Variants in PASD1 observed in about 807,000 individuals in gnomAD.
PASD1 encodes the protein circadian clock protein PASD1.
A neutral mutation model predicts 58.8 loss-of-function variants in PASD1; 13 were observed. The ratio of observed to expected loss-of-function variants is 0.22; its 90% confidence interval spans 0.14 to 0.35. The LOEUF (loss-of-function observed/expected upper bound fraction) is 0.35. Among genes scored for constraint, PASD1 ranks in the 10% least tolerant of loss-of-function variants. The pLI is 1.00. For missense variants in PASD1, 734 were observed against 568.3 expected (o/e 1.29, Z -2.96); for synonymous variants, 236 against 216.7 (o/e 1.09, Z -0.78).
intron 1 of PASD1, among the ~76,000 whole-genome samples, chrX:151,577,650 G>A (rs924536729): frequency 4.5e-5 from 5 of 111,335 alleles, no homozygotes; most frequent in Non-Finnish European, 7.5e-5. Flanking sequence ...TCAGCCTCCC[G>A]AGTAGCTGGG....
chrX:151,584,423 C>T (rs1312708224), intron 1 of PASD1, among the ~76,000 whole-genome samples: 1 of 111,791 alleles, frequency 8.9e-6, no homozygotes, highest in Non-Finnish European at 1.9e-5. Flanking sequence ...TTTTATTGTC[C>T]AGCTACTGTA....
At chrX:151,659,890 C>T (rs1348393005) in intron 10 of PASD1, 54 bp downstream of exon 10, 28 of 1,120,703 alleles carry the variant, frequency 2.5e-5, no homozygotes, top group South Asian at 2.1e-5. Flanking sequence ...ACAGTGACCC[C>T]CAGGGTAGTT....
At chrX:151,645,136 G>T (rs765071272) in intron 8 of PASD1, among the ~76,000 whole-genome samples, 2 of 111,688 alleles carry the variant, frequency 1.8e-5, no homozygotes, top group Non-Finnish European at 3.8e-5. Context: ...CTGTAGACAA[G>T]CCTTGGTTAG....
At chrX:151,593,604 A>G (rs929850489) in intron 1 of PASD1, among the ~76,000 whole-genome samples, 1 of 111,486 alleles carries the variant, frequency 9.0e-6, no homozygotes, top group Non-Finnish European at 1.9e-5. Context: ...ATACTATTCC[A>G]TGGCGTATAT....
At chrX:151,572,972 T>TA (rs2012946805) in intron 1 of PASD1, among the ~76,000 whole-genome samples, 1 of 92,331 alleles carries the variant, frequency 1.1e-5, no homozygotes, top group Non-Finnish European at 2.1e-5. Flanking sequence ...AGCGGGAGCT[T>TA]ACACATCATG....
rs187661535 is a variant in PASD1 at position 151,652,550 on chromosome X, A to C, written c.717+3848A>C. ...TCCGTCTCAAAAAAAAAAAAAACAA[A>C]AAACAAACAAACAAAAAAAACTCAA... is the stretch of plus-strand genomic sequence containing the variant. On this transcript the variant is annotated intron_variant, in intron 9 of 15. Transcript: ENST00000370357. Among the ~76,000 whole-genome samples, 1,024 of 109,374 alleles carry C rather than the reference A, an allele frequency of 9.4e-3. 22 individuals carry two copies. Among genetic ancestry groups the C allele is most frequent in the Admixed American group, 0.046 (469 of 10,114 alleles). 95.0% of individuals were successfully genotyped at this position (109,374 alleles called of 115,157 possible).
chrX:151,611,785 C>T (rs772239114), intron 4 of PASD1, 32 bp downstream of exon 4: 2 of 1,074,116 alleles, frequency 1.9e-6, no homozygotes, highest in South Asian at 4.0e-5. Flanking sequence ...GAAAGTGGAT[C>T]ATTCTGGTTT....
At chrX:151,644,427 G>A (rs1418250423) in intron 8 of PASD1, among the ~76,000 whole-genome samples, 1 of 111,887 alleles carries the variant, frequency 8.9e-6, no homozygotes, top group Non-Finnish European at 1.9e-5. Context: ...ACAAAACCCA[G>A]GCTCTTGATC....
rs2013351252 is a variant in PASD1, at chrX:151,598,458, A to G, written c.-27-3069A>G. Among the ~76,000 whole-genome samples, 3 of 111,316 alleles carry G rather than the reference A, an allele frequency of 2.7e-5. 1 individual carries two copies. Among genetic ancestry groups the G allele is most frequent in the South Asian group, 7.6e-4 (2 of 2,629 alleles). The stretch of plus-strand genomic sequence containing the variant: ...GATTGGGTCACATTTTCCATTCTGG[A>G]AAATTTAAAATTATCTCCTTACTGC... On this transcript the variant is annotated intron_variant, in intron 1 of 15. Coordinates refer to ENST00000370357, the MANE Select transcript of PASD1 (RefSeq NM_173493.3).
Position 151,620,660 on chromosome X carries a change from T to C in PASD1, c.208-270T>C, listed in dbSNP as rs112527925. The stretch of plus-strand genomic sequence containing the variant: ...GGTGAAGGTGTAGATAAATGAAAGG[T>C]TGGAAGTAACTAGAGTCAAAATTTT... On this transcript the variant is annotated intron_variant, in intron 4 of 15. Coordinates refer to ENST00000370357, the MANE Select transcript of PASD1 (RefSeq NM_173493.3). 4.7e-3 allele frequency among the ~76,000 whole-genome samples: 525 copies of C among 110,556 alleles called. 4 individuals are homozygous for C. The highest frequency in any genetic ancestry group is 0.016 in the African/African-American group (491 of 30,367).
intron 9 of PASD1, among the ~76,000 whole-genome samples, chrX:151,653,439 G>A (rs976652094): frequency 1.8e-5 from 2 of 110,049 alleles, no homozygotes; most frequent in South Asian, 4.0e-4. Flanking sequence ...TGATCCACCC[G>A]CTTCGGCCTC....
intron 3 of PASD1, among the ~76,000 whole-genome samples, chrX:151,607,014 G>A (rs1422633202): frequency 1.8e-5 from 2 of 111,160 alleles, no homozygotes; most frequent in South Asian, 3.8e-4. Flanking sequence ...AGGTGACACC[G>A]AGCTTAAGAA....
At chrX:151,674,863 A>G (rs1186730845) in intron 15 of PASD1, among the ~76,000 whole-genome samples, 1 of 111,970 alleles carries the variant, frequency 8.9e-6, no homozygotes, top group East Asian at 2.8e-4. Context: ...AACCAAAATA[A>G]CCAGAACAAA....
intron 8 of PASD1, among the ~76,000 whole-genome samples, chrX:151,639,432 G>T (rs139598685): frequency 1.3e-3 from 147 of 112,326 alleles, no homozygotes; most frequent in African/African-American, 4.2e-3. Flanking sequence ...CTAGTGCTGA[G>T]ATGTACAACG....
intron 9 of PASD1, 57 bp downstream of exon 9, chrX:151,648,759 A>T: frequency 8.7e-7 from 1 of 1,145,000 alleles, no homozygotes; most frequent in South Asian, 1.9e-5. Flanking sequence ...TGTGATGTTG[A>T]TTATTTAGTT....
At chrX:151,594,986 G>A (rs183843317) in intron 1 of PASD1, among the ~76,000 whole-genome samples, 231 of 111,710 alleles carry the variant, frequency 2.1e-3, no homozygotes, top group African/African-American at 7.1e-3. Context: ...GGTTTGAGTT[G>A]TTCTGATGGG....
At chrX:151,614,677 A>G (rs866532426) in intron 4 of PASD1, among the ~76,000 whole-genome samples, 3 of 112,215 alleles carry the variant, frequency 2.7e-5, no homozygotes, top group Admixed American at 9.4e-5. Flanking sequence ...ACCCTAATCC[A>G]GAAATCTATA....
At chrX:151,627,208 T>C (rs1216912327) in intron 8 of PASD1, among the ~76,000 whole-genome samples, 6 of 110,864 alleles carry the variant, frequency 5.4e-5, no homozygotes, top group African/African-American at 2.0e-4. Flanking sequence ...TATTTATTAT[T>C]TATTTATTTA....
intron 9 of PASD1, among the ~76,000 whole-genome samples, chrX:151,655,018 G>A (rs1199011704): frequency 9.2e-6 from 1 of 108,592 alleles, no homozygotes; most frequent in Non-Finnish European, 1.9e-5. Flanking sequence ...CCCACCCCAT[G>A]ACAGGCCCTG....
Sources: gnomAD v4.1 joint callset for allele counts (sites outside exome capture counted in the v4.1 genomes callset) on GRCh38, gnomAD v4.1.1 for gene constraint, MANE v1.5 for transcripts, NCBI Gene and HGNC (gene_info 2026-07-23, HGNC 2026-07-21) for gene names.